CCDC169: variants seen among roughly 807,000 people sequenced by gnomAD.
CCDC169 encodes coiled-coil domain-containing protein 169.
In CCDC169, 30 loss-of-function variants were observed where a neutral mutation model predicts 36.0. The observed-to-expected ratio is 0.83, with a 90% CI of 0.62 to 1.13. The LOEUF (loss-of-function observed/expected upper bound fraction) is 1.13, where lower values mean the gene tolerates loss of function less well. Among genes scored for constraint, CCDC169 ranks in the 50% most tolerant of loss-of-function variants. The pLI, the probability that CCDC169 is intolerant of heterozygous loss-of-function variation, is 0.00. For synonymous variants in CCDC169, 85 were observed against 81.5 expected, an observed-to-expected ratio of 1.04 and a Z score of -0.23; for missense variants, 245 against 245.9, an observed-to-expected ratio of 1.00 and a Z score of 0.03.
chr13:36,240,641 CT>C, intron 7 of CCDC169: 1 of 1,284,088 alleles, frequency 7.8e-7, no homozygotes, highest in Admixed American at 2.3e-5. Context: ...TATTTTCTTC[CT>C]TTAGGGCTTT....
At chr13:36,241,189 G>T (rs1359787439) in intron 7 of CCDC169, among the ~76,000 whole-genome samples, 1 of 152,044 alleles carries the variant, frequency 6.6e-6, no homozygotes. Context: ...GGAAAAATGG[G>T]TAAGTCAATA....
chr13:36,256,288 C>T (rs546752267), intron 4 of CCDC169, among the ~76,000 whole-genome samples: 1 of 152,210 alleles, frequency 6.6e-6, no homozygotes, highest in African/African-American at 2.4e-5. Flanking sequence ...GAAGAAATAC[C>T]CGACACTAGG....
chr13:36,269,052 T>G (rs916081915), intron 4 of CCDC169, among the ~76,000 whole-genome samples: 4 of 151,818 alleles, frequency 2.6e-5, no homozygotes, highest in Admixed American at 1.3e-4. Context: ...TGCAGTAAAC[T>G]GAGATTGTGC....
chr13:36,260,321 G>T (rs140935272), intron 4 of CCDC169, among the ~76,000 whole-genome samples: 26 of 152,250 alleles, frequency 1.7e-4, no homozygotes, highest in Non-Finnish European at 2.6e-4. Flanking sequence ...ATGTCCTACT[G>T]TTAACTGTAT....
intron 4 of CCDC169, chr13:36,282,767 C>T (rs75340135): frequency 2.6e-5 from 4 of 156,242 alleles, no homozygotes; most frequent in Admixed American, 6.5e-5. Flanking sequence ...TGAATATGTT[C>T]CAGAGTCTCA....
At chr13:36,296,993 G>A (rs914752198) in intron 1 of CCDC169, among the ~76,000 whole-genome samples, 4 of 152,144 alleles carry the variant, frequency 2.6e-5, no homozygotes, top group Non-Finnish European at 5.9e-5. Flanking sequence ...TCCTCAGAAC[G>A]CGTGTAGTTT....
chr13:36,273,577 A>C (rs1876385336), intron 4 of CCDC169, among the ~76,000 whole-genome samples: 1 of 152,218 alleles, frequency 6.6e-6, no homozygotes, highest in African/African-American at 2.4e-5. Flanking sequence ...AAGCACAATA[A>C]TACTACGCTT....
intron 7 of CCDC169, among the ~76,000 whole-genome samples, chr13:36,244,828 A>C (rs1166411315): frequency 3.4e-5 from 2 of 58,050 alleles, no homozygotes; most frequent in Non-Finnish European, 6.2e-5. Flanking sequence ...GAACCACTGA[A>C]TATGGATGGG....
At chr13:36,248,247 T>G (rs188472575) in intron 7 of CCDC169, among the ~76,000 whole-genome samples, 1 of 152,316 alleles carries the variant, frequency 6.6e-6, no homozygotes, top group Admixed American at 6.5e-5. Context: ...TCGTGATACT[T>G]GCTTCATTAC....
chr13:36,233,045 G>T (rs1378332650), intron 7 of CCDC169, among the ~76,000 whole-genome samples: 1 of 152,216 alleles, frequency 6.6e-6, no homozygotes, highest in Non-Finnish European at 1.5e-5. Context: ...CTGACCTTGA[G>T]GCTCTGCACA....
At chr13:36,223,623 T>C (rs1305509668), downstream of CCDC169, 1 of 152,162 alleles carries the variant, frequency 6.6e-6, no homozygotes, top group African/African-American at 2.4e-5. Flanking sequence ...GTGATTTCAA[T>C]ACCAGTTTTC....
At position 36,283,491 on chromosome 13, in the gene CCDC169, C is replaced by G. The variant is rs371059870; in HGVS notation, c.293G>C (p.Arg98Pro). 9.0e-6 allele frequency: 14 copies of G among 1,549,896 alleles called. No individual in the cohort carries two copies. In the African/African-American group the frequency reaches 1.9e-4, roughly 21 times the overall value. ...CACCACTGGCATTCGTTCATAGACA[C>G]GAATAGAAGATAGTCTATCTACAAT... ...GNSSDRLSSIRVYERMPVESL... is the reference protein window; with the variant it reads ...GNSSDRLSSIPVYERMPVESL... The change falls in exon 4 of 8, where the codon CGT becomes CCT. Residue 98 changes from arginine to proline, a missense_variant. Coordinates refer to ENST00000239859, the MANE Select transcript of CCDC169 (RefSeq NM_001144981.3).
chr13:36,223,342 T>A (rs993527845), downstream of CCDC169: 9 of 152,180 alleles, frequency 5.9e-5, no homozygotes, highest in African/African-American at 2.2e-4. Flanking sequence ...GGTCACCTAA[T>A]CTCTGCTTAA....
chr13:36,239,370 C>T (rs777347878), intron 7 of CCDC169, among the ~76,000 whole-genome samples: 1 of 152,050 alleles, frequency 6.6e-6, no homozygotes, highest in Non-Finnish European at 1.5e-5. Flanking sequence ...AATATGGTGT[C>T]AGTCATGGTC....
intron 1 of CCDC169, among the ~76,000 whole-genome samples, chr13:36,296,069 C>A (rs1376961816): frequency 6.6e-6 from 1 of 152,070 alleles, no homozygotes; most frequent in Non-Finnish European, 1.5e-5. Flanking sequence ...GACCCCCAGG[C>A]AACCATTAGA....
intron 7 of CCDC169, among the ~76,000 whole-genome samples, chr13:36,246,739 G>C (rs867504624): frequency 6.6e-6 from 1 of 152,174 alleles, no homozygotes; most frequent in East Asian, 1.9e-4. Context: ...CTAACCAACA[G>C]ATTTTCAATG....
chr13:36,238,139 G>T (rs570839268), intron 7 of CCDC169, among the ~76,000 whole-genome samples: 7 of 152,178 alleles, frequency 4.6e-5, no homozygotes, highest in Non-Finnish European at 1.0e-4. Context: ...GGGGGTTTGG[G>T]AACTAACTGC....
intron 2 of CCDC169, among the ~76,000 whole-genome samples, chr13:36,290,431 A>G (rs906946040): frequency 5.9e-5 from 9 of 152,082 alleles, no homozygotes; most frequent in African/African-American, 2.2e-4. Context: ...GGCAGGGCTT[A>G]TTACCTTTTT....
At chr13:36,295,134 C>T (rs1042188081) in intron 2 of CCDC169, among the ~76,000 whole-genome samples, 1 of 152,162 alleles carries the variant, frequency 6.6e-6, no homozygotes. Flanking sequence ...TATTAACTCA[C>T]CCGAATTCTG....
Sources: gnomAD v4.1 joint callset for allele counts (sites outside exome capture counted in the v4.1 genomes callset) on GRCh38, gnomAD v4.1.1 for gene constraint, MANE v1.5 for transcripts, NCBI Gene and HGNC (gene_info 2026-07-23, HGNC 2026-07-21) for gene names.